RANBP9: variants seen among roughly 807,000 people sequenced by gnomAD.
The protein encoded by RANBP9 is RAN binding protein 9, also known as ran-binding protein 9.
A neutral mutation model predicts 84.3 loss-of-function variants in RANBP9; 15 were observed. The observed-to-expected ratio is 0.18, with a 90% CI of 0.12 to 0.27. RANBP9 has a LOEUF of 0.27. RANBP9 is among the 10% of genes least tolerant of loss of function. The pLI, the probability that RANBP9 is intolerant of heterozygous loss-of-function variation, is 1.00. For synonymous variants in RANBP9, 392 were observed against 349.6 expected (o/e 1.12, Z -1.35); for missense variants, 809 against 912.8 (o/e 0.89, Z 1.46).
intron 1 of RANBP9, among the ~76,000 whole-genome samples, chr6:13,703,472 G>A: frequency 6.6e-6 from 1 of 152,228 alleles, no homozygotes; most frequent in Non-Finnish European, 1.5e-5. Flanking sequence ...ACCGAAAGAA[G>A]TGAGACCCAG....
At chr6:13,638,079 T>C in intron 9 of RANBP9, 124 bp from the exon 10 acceptor site, 1 of 780,752 alleles carries the variant, frequency 1.3e-6, no homozygotes, top group Non-Finnish European at 1.9e-6. Flanking sequence ...ATGGATGATG[T>C]AAACAGGTAA....
At chr6:13,643,131 A>G (rs565611645) in intron 6 of RANBP9, among the ~76,000 whole-genome samples, 1 of 152,308 alleles carries the variant, frequency 6.6e-6, no homozygotes, top group East Asian at 1.9e-4. Flanking sequence ...CTTCCAGAAC[A>G]TGTCTATAAG....
Position 13,682,943 on chromosome 6 carries a change from C to A in RANBP9, c.683+13842G>T, listed in dbSNP as rs1037595366. On this transcript the variant is annotated intron_variant, in intron 2 of 13. Transcript: ENST00000011619. The stretch of plus-strand genomic sequence containing the variant: ...TATAATAAAGTAAATATAGCAAAAT[C>A]TTAATTCTAAAATCTAGGTGGTGTG... Among the ~76,000 whole-genome samples the A allele has an allele frequency of 2.0e-5, 3 of 152,100 alleles. No homozygotes were observed. In the East Asian group the frequency reaches 5.8e-4, roughly 29 times the overall value.
intron 2 of RANBP9, among the ~76,000 whole-genome samples, chr6:13,665,392 C>G (rs1182983081): frequency 6.6e-6 from 1 of 152,040 alleles, no homozygotes; most frequent in African/African-American, 2.4e-5. Flanking sequence ...AAAAAGTGCT[C>G]CAAATTGTCA....
chr6:13,706,042 G>A (rs1466853775), intron 1 of RANBP9, among the ~76,000 whole-genome samples: 1 of 151,904 alleles, frequency 6.6e-6, no homozygotes, highest in African/African-American at 2.4e-5. Context: ...GGTACAGGTG[G>A]GAAAGACAGA....
chr6:13,703,121 T>A (rs150958637), intron 1 of RANBP9, among the ~76,000 whole-genome samples: 51 of 152,292 alleles, frequency 3.3e-4, no homozygotes, highest in Admixed American at 6.5e-4. Flanking sequence ...CAAGCAGTCC[T>A]CCCACCTCGA....
At chr6:13,679,345 T>A (rs965110741) in intron 2 of RANBP9, among the ~76,000 whole-genome samples, 2 of 152,212 alleles carry the variant, frequency 1.3e-5, no homozygotes, top group African/African-American at 4.8e-5. Flanking sequence ...AAGTACCTAT[T>A]CATTTATCCT....
chr6:13,669,228 T>C (rs984646321), intron 2 of RANBP9, among the ~76,000 whole-genome samples: 2 of 152,076 alleles, frequency 1.3e-5, no homozygotes, highest in Non-Finnish European at 2.9e-5. Context: ...AAAGAACTGC[T>C]AAGTAAATGG....
At chr6:13,675,655 A>C (rs1386001486) in intron 2 of RANBP9, among the ~76,000 whole-genome samples, 1 of 151,854 alleles carries the variant, frequency 6.6e-6, no homozygotes, top group Non-Finnish European at 1.5e-5. Context: ...AAAATAAAAT[A>C]AAATAAAAAT....
intron 12 of RANBP9, among the ~76,000 whole-genome samples, chr6:13,631,518 G>A (rs553715508): frequency 9.2e-5 from 14 of 152,102 alleles, no homozygotes; most frequent in Non-Finnish European, 1.8e-4. Flanking sequence ...TCAGATTTTC[G>A]GACTAGGGAT....
chr6:13,700,823 C>T (rs1757949571), intron 1 of RANBP9, among the ~76,000 whole-genome samples: 1 of 152,150 alleles, frequency 6.6e-6, no homozygotes, highest in Admixed American at 6.5e-5. Context: ...TTTTATTTTA[C>T]TAGGACTGTA....
intron 1 of RANBP9, among the ~76,000 whole-genome samples, chr6:13,708,819 T>TCACACACACACACA (rs70989879): frequency 7.1e-6 from 1 of 140,842 alleles, no homozygotes; most frequent in African/African-American, 2.7e-5. Flanking sequence ...AACGGAAAAC[T>TCACACACACACACA]CACACACACA....
intron 1 of RANBP9, 117 bp downstream of exon 1, chr6:13,710,818 G>A (rs1181737736): frequency 4.7e-5 from 53 of 1,135,576 alleles, no homozygotes; most frequent in Non-Finnish European, 6.3e-5. Context: ...GCGGCGAGTG[G>A]CCTCCGAGGG....
intron 2 of RANBP9, among the ~76,000 whole-genome samples, chr6:13,686,027 A>G (rs1467814340): frequency 6.6e-6 from 1 of 151,556 alleles, no homozygotes; most frequent in Non-Finnish European, 1.5e-5. Context: ...TAATTATACA[A>G]AAATCATGGT....
At chr6:13,699,349 A>G (rs1420445709) in intron 1 of RANBP9, among the ~76,000 whole-genome samples, 1 of 152,218 alleles carries the variant, frequency 6.6e-6, no homozygotes, top group Non-Finnish European at 1.5e-5. Context: ...TTAAATTAAA[A>G]TTTAAATTAG....
chr6:13,662,220 TA>T (rs2113291011), intron 2 of RANBP9, among the ~76,000 whole-genome samples: 1 of 152,256 alleles, frequency 6.6e-6, no homozygotes, highest in South Asian at 2.1e-4. Context: ...CATCCATACA[TA>T]ATGTGCTAGA....
At chr6:13,685,755 C>T (rs904784009) in intron 2 of RANBP9, among the ~76,000 whole-genome samples, 1 of 151,966 alleles carries the variant, frequency 6.6e-6, no homozygotes, top group African/African-American at 2.4e-5. Flanking sequence ...TGGTGAAACC[C>T]TGTCTCTACT....
chr6:13,644,416 A>C (rs1765133744), intron 6 of RANBP9, 129 bp downstream of exon 6: 4 of 882,842 alleles, frequency 4.5e-6, no homozygotes, highest in Admixed American at 6.9e-5. Context: ...AGAGATTAAA[A>C]TCAATAATAT....
At chr6:13,666,567 G>A (rs960231199) in intron 2 of RANBP9, among the ~76,000 whole-genome samples, 1 of 126,624 alleles carries the variant, frequency 7.9e-6, no homozygotes, top group Non-Finnish European at 1.6e-5. Context: ...CTTGAGTCCA[G>A]GAGTTCAAGA....
Sources: gnomAD v4.1 joint callset for allele counts (sites outside exome capture counted in the v4.1 genomes callset) on GRCh38, gnomAD v4.1.1 for gene constraint, MANE v1.5 for transcripts, NCBI Gene and HGNC (gene_info 2026-07-23, HGNC 2026-07-21) for gene names.